Variants in SGCZ observed in about 807,000 individuals in gnomAD.
The protein encoded by SGCZ is sarcoglycan zeta.
Under a neutral mutation model 41.3 loss-of-function variants are expected in SGCZ, and 40 were observed. The ratio of observed to expected loss-of-function variants is 0.97; its 90% CI spans 0.75 to 1.26. The LOEUF is 1.26. Among genes scored for constraint, SGCZ ranks in the 50% most tolerant of loss-of-function variants. The pLI is 0.00. For synonymous variants in SGCZ, 206 were observed against 137.5 expected (o/e 1.50, Z -3.49); for missense variants, 552 against 369.8 (o/e 1.49, Z -4.04).
Position 14,102,490 on chromosome 8 carries a change from T to C in SGCZ, c.630A>G (p.Ser210=). Residue 210 remains serine, a synonymous_variant, in exon 7 of 8, where the codon TCA becomes TCG. Transcript: ENST00000382080. Reference sequence around the variant, plus strand: ...CTTCCATGATCAAGGATCTGGTGGGTGATTCAAGCCTAAGGGAAAAACAAA... The same window carrying C: ...CTTCCATGATCAAGGATCTGGTGGGCGATTCAAGCCTAAGGGAAAAACAAA... ...AEPSQDLRLE[S]PTRSLIMEAP... The C allele has an allele frequency of 1.4e-6, 2 of 1,442,328 alleles. No individual in the cohort carries two copies. The highest frequency in any genetic ancestry group is 1.9e-6 in the Non-Finnish European group (2 of 1,080,400). The allele number at this position is 1,442,328 out of a possible 1,614,324, so 89.3% of individuals were successfully genotyped here.
rs991158792 is a variant in SGCZ, at chr8:14,910,191, T to G, written c.39+327394A>C. On this transcript the variant is annotated intron_variant, in intron 1 of 7. Transcript: ENST00000382080. ...CATCTTCAAAACCAGTAACATATCT[T>G]CCATCTACTCATTTAATCATTTGTT... 3.0e-5 allele frequency among the ~76,000 whole-genome samples: 3 copies of G among 98,590 alleles called. No homozygotes were observed. In the East Asian group the frequency reaches 8.4e-4, roughly 28 times the overall value. The allele number at this position is 98,590 out of a possible 152,430, so 64.7% of individuals were successfully genotyped here.
intron 2 of SGCZ, among the ~76,000 whole-genome samples, chr8:14,495,243 T>G (rs763716338): frequency 2.6e-5 from 4 of 152,122 alleles, no homozygotes; most frequent in South Asian, 2.1e-4. Flanking sequence ...AAAGCTGGAG[T>G]GTTAAATGTT....
intron 5 of SGCZ, among the ~76,000 whole-genome samples, chr8:14,108,649 G>A (rs1205682487): frequency 6.6e-6 from 1 of 151,950 alleles, no homozygotes; most frequent in Non-Finnish European, 1.5e-5. Context: ...ACAACACGTG[G>A]GCATTATAGG....
chr8:14,458,457 A>T (rs915891437), intron 2 of SGCZ, among the ~76,000 whole-genome samples: 2 of 152,174 alleles, frequency 1.3e-5, no homozygotes, highest in Non-Finnish European at 2.9e-5. Context: ...TTAATCAAAT[A>T]AGTGAATGTA....
intron 5 of SGCZ, chr8:14,161,233 T>C (rs555197532): frequency 6.6e-6 from 1 of 152,366 alleles, no homozygotes; most frequent in African/African-American, 2.4e-5. Context: ...GCACATTTTT[T>C]TCCTCTAAGC....
At chr8:14,829,348 G>C (rs1021120008) in intron 1 of SGCZ, among the ~76,000 whole-genome samples, 1 of 150,728 alleles carries the variant, frequency 6.6e-6, no homozygotes, top group Non-Finnish European at 1.5e-5. Context: ...TTCAGGGATA[G>C]ACTAAATGGC....
intron 1 of SGCZ, among the ~76,000 whole-genome samples, chr8:15,198,113 A>C (rs268369): frequency 6.7e-6 from 1 of 149,688 alleles, no homozygotes; most frequent in Non-Finnish European, 1.5e-5. Context: ...TAATGATATA[A>C]TTATGTGTCA....
chr8:14,195,698 G>T (rs12678124), intron 4 of SGCZ, among the ~76,000 whole-genome samples: 9 of 152,080 alleles, frequency 5.9e-5, no homozygotes, highest in African/African-American at 1.7e-4. Context: ...AGATAAGGAA[G>T]GCAGCTGATT....
chr8:14,556,708 G>C (rs910861198), intron 1 of SGCZ, among the ~76,000 whole-genome samples: 1 of 151,940 alleles, frequency 6.6e-6, no homozygotes, highest in Non-Finnish European at 1.5e-5. Context: ...CCATTCCTAA[G>C]TTACTTTTAC....
At chr8:14,328,717 G>A (rs1334245746) in intron 2 of SGCZ, among the ~76,000 whole-genome samples, 1 of 152,070 alleles carries the variant, frequency 6.6e-6, no homozygotes, top group Non-Finnish European at 1.5e-5. Context: ...TCATTGCTAT[G>A]GTTCAAATGT....
intron 3 of SGCZ, among the ~76,000 whole-genome samples, chr8:14,312,028 G>A (rs1316509614): frequency 2.6e-5 from 4 of 152,042 alleles, no homozygotes; most frequent in African/African-American, 9.7e-5. Flanking sequence ...CAAACTTACT[G>A]AATGAGTTAT....
intron 1 of SGCZ, among the ~76,000 whole-genome samples, chr8:15,020,009 T>G (rs563283328): frequency 1.2e-4 from 19 of 152,022 alleles, no homozygotes; most frequent in African/African-American, 3.6e-4. Flanking sequence ...CATTGTTATA[T>G]AAGTGCATAT....
chr8:14,309,620 C>G (rs1158810674), intron 3 of SGCZ: 3 of 1,610,846 alleles, frequency 1.9e-6, no homozygotes, highest in Non-Finnish European at 2.5e-6. Context: ...ATCAGTCCCA[C>G]GCAGACACAG....
intron 2 of SGCZ, among the ~76,000 whole-genome samples, chr8:14,427,521 A>T (rs146705179): frequency 8.5e-4 from 129 of 152,052 alleles, no homozygotes; most frequent in African/African-American, 3.0e-3. Flanking sequence ...TTGCGTTTCC[A>T]TGAGGAAACT....
chr8:14,618,525 C>T (rs1179994373), intron 1 of SGCZ, among the ~76,000 whole-genome samples: 2 of 152,104 alleles, frequency 1.3e-5, no homozygotes, highest in Non-Finnish European at 1.5e-5. Context: ...GGAGGCAATA[C>T]TAGAGAAATA....
intron 1 of SGCZ, among the ~76,000 whole-genome samples, chr8:14,797,336 A>G (rs1370140736): frequency 6.6e-6 from 1 of 152,138 alleles, no homozygotes; most frequent in East Asian, 1.9e-4. Flanking sequence ...GCCCAAGCTG[A>G]GATGGTCTCA....
chr8:14,140,157 T>C (rs558139468), intron 5 of SGCZ, among the ~76,000 whole-genome samples: 22 of 152,340 alleles, frequency 1.4e-4, no homozygotes, highest in Admixed American at 9.1e-4. Context: ...AACTAGGTAT[T>C]GATGGAACGT....
intron 1 of SGCZ, among the ~76,000 whole-genome samples, chr8:14,722,383 A>G (rs553476743): frequency 2.0e-4 from 31 of 152,256 alleles, no homozygotes; most frequent in African/African-American, 6.0e-4. Context: ...AATTGATTTT[A>G]TATCTTCCAT....
At chr8:14,933,656 G>A (rs563151960) in intron 1 of SGCZ, among the ~76,000 whole-genome samples, 4 of 151,766 alleles carry the variant, frequency 2.6e-5, no homozygotes, top group Non-Finnish European at 4.4e-5. Context: ...GTTCTACCGT[G>A]TTAGCCAGGA....
Sources: allele counts gnomAD v4.1 joint callset (sites outside exome capture counted in the v4.1 genomes callset), GRCh38; gene constraint gnomAD v4.1.1; transcripts MANE v1.5; gene names NCBI Gene and HGNC (gene_info 2026-07-23, HGNC 2026-07-21).